COPS7B: variants seen among roughly 807,000 people sequenced by gnomAD.
The protein encoded by COPS7B is COP9 signalosome complex subunit 7b.
A neutral mutation model predicts 33.4 loss-of-function variants in COPS7B; 9 were observed. The ratio of observed to expected loss-of-function variants is 0.27; its 90% CI spans 0.16 to 0.47. The LOEUF is 0.47. Among genes scored for constraint, COPS7B ranks in the 20% least tolerant of loss-of-function variants. The pLI is 0.99. For missense variants in COPS7B, 242 were observed against 318.2 expected, an observed-to-expected ratio of 0.76 and a Z score of 1.82; for synonymous variants, 119 against 126.3, an observed-to-expected ratio of 0.94 and a Z score of 0.39.
At chr2:231,797,001 A>AT (rs1478023531) in intron 5 of COPS7B, among the ~76,000 whole-genome samples, 2 of 152,216 alleles carry the variant, frequency 1.3e-5, no homozygotes, top group Non-Finnish European at 2.9e-5. Context: ...GATTTAAATT[A>AT]TTTGGGGCTT....
upstream of COPS7B, among the ~76,000 whole-genome samples, chr2:231,785,195 A>G (rs971010011): frequency 1.3e-5 from 2 of 152,166 alleles, no homozygotes; most frequent in African/African-American, 4.8e-5. Context: ...ATCCACTCCT[A>G]TAGCACCTAG....
chr2:231,794,342 A>G lies in COPS7B; in HGVS notation c.318A>G (p.Ser106=). The G allele has an allele frequency of 1.2e-6, 2 of 1,613,822 alleles. No individual in the cohort carries two copies. Among genetic ancestry groups the G allele is most frequent in the Non-Finnish European group, 8.5e-7 (1 of 1,179,754 alleles). Residue 106 remains serine (S), a synonymous_variant, in exon 4 of 7, where the codon TCA becomes TCG. Coordinates refer to ENST00000350033, the MANE Select transcript of COPS7B (RefSeq NM_022730.4). Reference sequence around the variant, plus strand: ...ATCTTACCATCGTGAGCTTGGCATCAAGAATGAAGGTACGGTACTGAGCCT... The same window carrying G: ...ATCTTACCATCGTGAGCTTGGCATCGAGAATGAAGGTACGGTACTGAGCCT... ...LKHLTIVSLA[S]RMKCIPYSVL...
intron 6 of COPS7B, among the ~76,000 whole-genome samples, chr2:231,806,297 C>T (rs1170747773): frequency 2.0e-5 from 3 of 152,046 alleles, no homozygotes; most frequent in Non-Finnish European, 4.4e-5. Flanking sequence ...TGCCTGTAAT[C>T]CCAGCACTTT....
At chr2:231,797,972 C>CT (rs2049622040) in intron 5 of COPS7B, among the ~76,000 whole-genome samples, 1 of 152,220 alleles carries the variant, frequency 6.6e-6, no homozygotes, top group Non-Finnish European at 1.5e-5. Context: ...ACCGCAACCT[C>CT]TGCCTCCCAG....
At chr2:231,804,482 C>T (rs923494498) in intron 6 of COPS7B, among the ~76,000 whole-genome samples, 16 of 152,090 alleles carry the variant, frequency 1.1e-4, no homozygotes, top group Non-Finnish European at 1.3e-4. Flanking sequence ...CTCCTGACCT[C>T]GTGATCTGCC....
intron 6 of COPS7B, among the ~76,000 whole-genome samples, chr2:231,805,143 G>A (rs146623027): frequency 1.3e-5 from 2 of 152,144 alleles, no homozygotes; most frequent in African/African-American, 4.8e-5. Context: ...AGACCAGCCT[G>A]GGCAACATAG....
rs924645414 is a variant in COPS7B at position 231,808,278 on chromosome 2, T to A, written c.*633T>A. The stretch of plus-strand genomic sequence containing the variant: ...TCTCCAATTAGTTGAGAGCGCTGGG[T>A]TGACTAACCTCTGGTATCTGAGCAC... On this transcript the variant is annotated 3_prime_UTR_variant, in exon 7 of 7. Transcript: ENST00000350033. 1.9e-5 allele frequency: 7 copies of A among 374,986 alleles called. No individual in the cohort carries two copies. Among genetic ancestry groups the A allele is most frequent in the African/African-American group, 4.3e-5 (2 of 46,472 alleles). 23.2% of individuals were successfully genotyped at this position (374,986 alleles called of 1,614,324 possible). A position where few individuals can be genotyped will look rare whatever the true frequency, so the allele number is the denominator to read the frequency against.
upstream of COPS7B, among the ~76,000 whole-genome samples, chr2:231,783,854 T>C (rs1189541201): frequency 1.3e-5 from 2 of 152,166 alleles, no homozygotes; most frequent in African/African-American, 4.8e-5. Context: ...CTCCTGCCTC[T>C]GCCTCGCAAG....
In COPS7B at chr2:231,788,583, C is replaced by A; in HGVS notation, c.13C>A (p.Gln5Lys). ...TCAAGGCCAGAGAATGGCAGGGGAA[C>A]AGAAACCCTCAAGTAATCTCCTGGA... The part of the protein sequence containing the change: MAGE[Q>K]KPSSNLLEQF... The change falls in exon 2 of 7, where the codon CAG becomes AAG. Residue 5 changes from glutamine to lysine, a missense_variant. By Grantham distance (53) the Gln-to-Lys change is moderately conservative. Transcript: ENST00000350033. The A allele has an allele frequency of 6.2e-7, 1 of 1,613,426 alleles. No individual in the cohort carries two copies. The highest frequency in any genetic ancestry group is 8.5e-7 in the Non-Finnish European group (1 of 1,179,920).
At chr2:231,802,064 C>T (rs747112569) in intron 6 of COPS7B, among the ~76,000 whole-genome samples, 3 of 152,160 alleles carry the variant, frequency 2.0e-5, no homozygotes, top group Non-Finnish European at 2.9e-5. Context: ...CCTGAGCCAC[C>T]GCGCCCGGCC....
chr2:231,787,838 T>C (rs890319509), intron 1 of COPS7B, among the ~76,000 whole-genome samples: 9 of 152,252 alleles, frequency 5.9e-5, no homozygotes, highest in African/African-American at 2.2e-4. Flanking sequence ...GAGCTGTAAC[T>C]GATTGCTTTT....
At position 231,808,668 on chromosome 2, in the gene COPS7B, ATT is replaced by A. The variant is rs60365791; in HGVS notation, c.*1035_*1036del. The A allele has an allele frequency of 4.7e-4, 123 of 259,824 alleles. No individual in the cohort carries two copies. The highest frequency in any genetic ancestry group is 9.6e-4 in the Middle Eastern group (2 of 2,084). 16.1% of individuals were successfully genotyped at this position (259,824 alleles called of 1,614,324 possible). On this transcript the variant is annotated 3_prime_UTR_variant, in exon 7 of 7. Transcript: ENST00000350033. ...TTGAACAGTTTCAGGTTATATTTTA[ATT>A]TTTTTTTTTTTGTACAGGTTCTGAT...
At position 231,807,615 on chromosome 2, in the gene COPS7B, A is replaced by T. The variant is rs1337824350; in HGVS notation, c.765A>T (p.Lys255Asn). Reference protein sequence around the residue: ...EQRQPTKKMSKVKGLVSSRH With the variant: ...EQRQPTKKMSNVKGLVSSRH The stretch of plus-strand genomic sequence containing the variant: ...GGCAGCCCACCAAGAAGATGTCCAA[A>T]GTGAAAGGTCTGGTCTCCAGCCGCC... The change falls in exon 7 of 7, where the codon AAA (lysine) becomes AAT (asparagine). Residue 255 changes from lysine (K) to asparagine (N), a missense_variant. By Grantham distance (94) the Lys-to-Asn change is moderately conservative (BLOSUM62 0). Coordinates refer to ENST00000350033, the MANE Select transcript of COPS7B (RefSeq NM_022730.4). 1 of 1,562,886 alleles carries T rather than the reference A, an allele frequency of 6.4e-7. No homozygotes were observed. Among genetic ancestry groups the T allele is most frequent in the South Asian group, 1.2e-5 (1 of 84,806 alleles).
chr2:231,789,022 CTGTT>C, intron 2 of COPS7B: 2 of 302,894 alleles, frequency 6.6e-6, no homozygotes, highest in Admixed American at 9.5e-5. Flanking sequence ...TAAGCATGGG[CTGTT>C]TAATAGGAGT....
Position 231,791,805 on chromosome 2 carries a change from A to G in COPS7B, c.235A>G (p.Ile79Val). The G allele has an allele frequency of 6.2e-7, 1 of 1,613,172 alleles. No homozygotes were observed. The highest frequency in any genetic ancestry group is 8.5e-7 in the Non-Finnish European group (1 of 1,179,104). ...LFAYGTYPDYIANKESLPELS... is the reference protein window; with the variant it reads ...LFAYGTYPDYVANKESLPELS... ...TGCCTATGGGACATACCCAGATTAC[A>G]TAGGTGAGTTGGTGAAGATCCTTCA... Residue 79 changes from isoleucine (I) to valine (V), a missense_variant, in exon 3 of 7, where the codon ATA (isoleucine) becomes GTA (valine). By Grantham distance (29) the Ile-to-Val change is conservative (BLOSUM62 3). Coordinates refer to ENST00000350033, the MANE Select transcript of COPS7B (RefSeq NM_022730.4).
In COPS7B at chr2:231,798,889, C is replaced by T. The variant is rs754803960; in HGVS notation, c.561C>T (p.Gly187=). 1 of 1,614,148 alleles carries T rather than the reference C, an allele frequency of 6.2e-7. No homozygotes were observed. The highest frequency in any genetic ancestry group is 1.7e-5 in the Admixed American group (1 of 60,012). ...ATGGCTGTGAAGCAGTTCTACTGGG[C>T]ATCGAGCAGCAAGTTCTGAGAGCCA... is the stretch of plus-strand genomic sequence containing the variant. The part of the protein sequence containing the change: ...WCDGCEAVLL[G]IEQQVLRANQ... Residue 187 remains glycine, a synonymous_variant, in exon 6 of 7, where the codon GGC becomes GGT. Transcript: ENST00000350033.
At chr2:231,798,681 A>G (rs758123438) in intron 5 of COPS7B, among the ~76,000 whole-genome samples, 178 bp from the exon 6 acceptor site, 8 of 152,222 alleles carry the variant, frequency 5.3e-5, no homozygotes, top group Non-Finnish European at 2.9e-5. Context: ...GTCCTGCATT[A>G]TGTATTTAGA....
upstream of COPS7B, among the ~76,000 whole-genome samples, chr2:231,782,991 T>A (rs2049165037): frequency 1.3e-5 from 2 of 152,212 alleles, no homozygotes; most frequent in Admixed American, 6.5e-5. Context: ...TAATCACTCT[T>A]CTGACTGTAT....
intron 1 of COPS7B, among the ~76,000 whole-genome samples, chr2:231,787,980 C>T (rs1308403514): frequency 1.3e-5 from 2 of 152,110 alleles, no homozygotes; most frequent in African/African-American, 2.4e-5. Context: ...GGTTTAAGGA[C>T]TTAGAAGGTG....
Sources: gnomAD v4.1 joint callset for allele counts (sites outside exome capture counted in the v4.1 genomes callset) on GRCh38, gnomAD v4.1.1 for gene constraint, MANE v1.5 for transcripts, NCBI Gene and HGNC (gene_info 2026-07-23, HGNC 2026-07-21) for gene names.